The following SLC25A21 variants were observed in gnomAD, a reference collection of about 807,000 sequenced individuals.
SLC25A21 encodes mitochondrial 2-oxodicarboxylate carrier.
Under a neutral mutation model 43.8 loss-of-function variants are expected in SLC25A21, and 47 were observed. The observed-to-expected ratio is 1.07, with a 90% CI of 0.85 to 1.37. SLC25A21 has a LOEUF of 1.37. Ranked by LOEUF, SLC25A21 falls within the 40% of genes most tolerant of loss-of-function variation. The probability of loss-of-function intolerance (pLI) is 0.00; values close to 1 mark genes in which losing one functional copy is unlikely to be tolerated. For missense variants in SLC25A21, 352 were observed against 350.2 expected (o/e 1.00, Z -0.04); for synonymous variants, 131 against 121.3 (o/e 1.08, Z -0.52).
chr14:37,065,219 C>T (rs903037080), intron 1 of SLC25A21, among the ~76,000 whole-genome samples: 3 of 152,072 alleles, frequency 2.0e-5, no homozygotes, highest in African/African-American at 7.2e-5. Flanking sequence ...ACAGAAGAAC[C>T]CTGAATGCAG....
intron 3 of SLC25A21, among the ~76,000 whole-genome samples, chr14:36,800,566 T>A (rs555007694): frequency 1.6e-4 from 25 of 152,228 alleles, no homozygotes; most frequent in African/African-American, 6.0e-4. Flanking sequence ...GAATGGAGGT[T>A]ATCAGGGGCT....
chr14:37,025,055 C>CT (rs909641168), intron 1 of SLC25A21, among the ~76,000 whole-genome samples: 29 of 151,962 alleles, frequency 1.9e-4, no homozygotes, highest in African/African-American at 6.3e-4. Flanking sequence ...GGACAAGTAT[C>CT]TTTTTAAAAA....
At chr14:36,724,545 G>T (rs572734179) in intron 6 of SLC25A21, among the ~76,000 whole-genome samples, 1 of 152,334 alleles carries the variant, frequency 6.6e-6, no homozygotes, top group East Asian at 1.9e-4. Context: ...AAGCTAAGAA[G>T]GGACCTGGAA....
chr14:36,799,300 C>T (rs1276668238), intron 3 of SLC25A21, among the ~76,000 whole-genome samples: 2 of 152,062 alleles, frequency 1.3e-5, no homozygotes, highest in Non-Finnish European at 2.9e-5. Context: ...GATCCACAAA[C>T]ATGAAAGAAG....
chr14:36,982,777 G>A lies in SLC25A21; in HGVS notation c.71-107773C>T, dbSNP rs910598823. Reference sequence around the variant, plus strand: ...TGCAGTAAGCCAAAACGGCGACACTGCACTCCAGCCTGGGCCATAGAGTGA... The same window carrying A: ...TGCAGTAAGCCAAAACGGCGACACTACACTCCAGCCTGGGCCATAGAGTGA... On this transcript the variant is annotated intron_variant, in intron 1 of 9. Coordinates refer to ENST00000331299, the MANE Select transcript of SLC25A21 (RefSeq NM_030631.4). Among the ~76,000 whole-genome samples the A allele has an allele frequency of 2.0e-5, 3 of 152,054 alleles. No homozygotes were observed. The South Asian group carries it at 6.2e-4, about 32-fold the overall frequency.
At chr14:36,779,635 TA>T in intron 3 of SLC25A21, among the ~76,000 whole-genome samples, 1 of 140,182 alleles carries the variant, frequency 7.1e-6, no homozygotes. Flanking sequence ...TATATATATA[TA>T]TATATATGTA....
intron 1 of SLC25A21, among the ~76,000 whole-genome samples, chr14:37,052,514 C>A (rs1961730704): frequency 1.3e-5 from 2 of 152,188 alleles, no homozygotes; most frequent in South Asian, 4.1e-4. Context: ...TTTATTTTTG[C>A]ATGCTTCTTT....
chr14:37,140,829 T>C (rs1429473599), intron 1 of SLC25A21, among the ~76,000 whole-genome samples: 3 of 143,770 alleles, frequency 2.1e-5, no homozygotes, highest in Non-Finnish European at 4.7e-5. Flanking sequence ...AGTCTGGTGG[T>C]ACCATTTTTT....
At chr14:36,750,054 C>T (rs1379427121) in intron 3 of SLC25A21, among the ~76,000 whole-genome samples, 1 of 152,078 alleles carries the variant, frequency 6.6e-6, no homozygotes, top group Non-Finnish European at 1.5e-5. Flanking sequence ...TAGGACCTGA[C>T]ATATAAGAGA....
intron 1 of SLC25A21, among the ~76,000 whole-genome samples, chr14:36,928,818 G>T (rs906093121): frequency 8.5e-5 from 13 of 152,210 alleles, no homozygotes; most frequent in African/African-American, 3.1e-4. Flanking sequence ...CTGAAGAAAT[G>T]TGAACAGTTT....
At chr14:36,787,289 A>C (rs1887286051) in intron 3 of SLC25A21, among the ~76,000 whole-genome samples, 1 of 152,216 alleles carries the variant, frequency 6.6e-6, no homozygotes, top group South Asian at 2.1e-4. Flanking sequence ...ACTAAGGTGA[A>C]GTGGGGAAGC....
At chr14:37,021,328 C>T (rs1960980860) in intron 1 of SLC25A21, among the ~76,000 whole-genome samples, 1 of 151,982 alleles carries the variant, frequency 6.6e-6, no homozygotes, top group African/African-American at 2.4e-5. Context: ...CAACCTCTTA[C>T]ACCAAGTAAA....
chr14:36,842,146 A>G (rs954896177), intron 2 of SLC25A21, among the ~76,000 whole-genome samples: 5 of 152,204 alleles, frequency 3.3e-5, no homozygotes, highest in African/African-American at 1.2e-4. Context: ...ATCTGTACAC[A>G]ATAGACATCT....
chr14:36,927,750 C>T (rs977658664), intron 1 of SLC25A21, among the ~76,000 whole-genome samples: 1 of 152,132 alleles, frequency 6.6e-6, no homozygotes, highest in Non-Finnish European at 1.5e-5. Context: ...TCACCTAATT[C>T]AAGCATGGAA....
intron 1 of SLC25A21, among the ~76,000 whole-genome samples, chr14:36,891,955 A>T (rs1175490570): frequency 6.6e-6 from 1 of 152,208 alleles, no homozygotes; most frequent in East Asian, 1.9e-4. Flanking sequence ...GGGCTGCTAC[A>T]TGAAAGAGAA....
At chr14:36,764,893 T>C (rs1162438891) in intron 3 of SLC25A21, among the ~76,000 whole-genome samples, 1 of 152,152 alleles carries the variant, frequency 6.6e-6, no homozygotes, top group African/African-American at 2.4e-5. Context: ...GCACAGAGGA[T>C]CTGAACTGGG....
At chr14:36,842,830 G>C (rs1376479069) in intron 2 of SLC25A21, among the ~76,000 whole-genome samples, 1 of 152,170 alleles carries the variant, frequency 6.6e-6, no homozygotes, top group Admixed American at 6.5e-5. Context: ...GGGGAGGCAG[G>C]AGGATGTGTC....
intron 1 of SLC25A21, among the ~76,000 whole-genome samples, chr14:37,126,515 A>G (rs1172153396): frequency 6.6e-6 from 1 of 151,806 alleles, no homozygotes; most frequent in East Asian, 1.9e-4. Flanking sequence ...TATATTTTAC[A>G]TTACAAGTTT....
At chr14:36,691,430 A>G (rs1022280459) in intron 7 of SLC25A21, among the ~76,000 whole-genome samples, 8 of 152,228 alleles carry the variant, frequency 5.3e-5, no homozygotes, top group African/African-American at 1.9e-4. Context: ...AAAAATTTCC[A>G]ACTTAATTCC....
Sources: gnomAD v4.1 joint callset for allele counts (sites outside exome capture counted in the v4.1 genomes callset) on GRCh38, gnomAD v4.1.1 for gene constraint, MANE v1.5 for transcripts, NCBI Gene and HGNC (gene_info 2026-07-23, HGNC 2026-07-21) for gene names.